SIRT4: variants seen among roughly 807,000 people sequenced by gnomAD.
SIRT4 encodes the protein NAD-dependent protein lipoamidase sirtuin-4, mitochondrial.
In SIRT4, 23 loss-of-function variants were observed where a neutral mutation model predicts 26.1. That is an observed-to-expected ratio of 0.88 (90% CI 0.63 to 1.25). The LOEUF (loss-of-function observed/expected upper bound fraction) is 1.25. Among genes scored for constraint, SIRT4 ranks in the 50% most tolerant of loss-of-function variants. SIRT4 has a pLI of 0.00. For missense variants in SIRT4, 361 were observed against 405.4 expected (o/e 0.89, Z 0.94); for synonymous variants, 155 against 158.4 (o/e 0.98, Z 0.16).
At chr12:120,295,066 A>C in the SIRT4 span, among the ~76,000 whole-genome samples, 1 of 151,774 alleles carries the variant, frequency 6.6e-6, no homozygotes, top group Non-Finnish European at 1.5e-5. Flanking sequence ...CCTGACCTCA[A>C]GTGATCCTCC....
chr12:120,307,819 T>G (rs1390220618), intron 2 of SIRT4, among the ~76,000 whole-genome samples: 1 of 152,042 alleles, frequency 6.6e-6, no homozygotes, highest in Admixed American at 6.6e-5. Context: ...AATCGCACCA[T>G]TGCACTCCAG....
At chr12:120,296,822 C>G in the SIRT4 span, among the ~76,000 whole-genome samples, 1 of 151,624 alleles carries the variant, frequency 6.6e-6, no homozygotes, top group Admixed American at 6.6e-5. Flanking sequence ...TTATTTAATT[C>G]ACAGCCTGGA....
upstream of SIRT4, among the ~76,000 whole-genome samples, chr12:120,298,854 C>G (rs1872432205): frequency 6.6e-6 from 1 of 150,594 alleles, no homozygotes; most frequent in African/African-American, 2.4e-5. Context: ...TTGCAGTGAT[C>G]TGAGATCGTG....
the SIRT4 span, chr12:120,291,847 C>G: frequency 1.3e-5 from 2 of 152,106 alleles, no homozygotes; most frequent in South Asian, 2.1e-4. Context: ...TTTCAATTAG[C>G]AATAATCGCG....
At chr12:120,304,600 T>C (rs528326588) in intron 2 of SIRT4, among the ~76,000 whole-genome samples, 2 of 150,416 alleles carry the variant, frequency 1.3e-5, no homozygotes, top group East Asian at 4.0e-4. Flanking sequence ...TGAGCCGAGA[T>C]TGCACCACTA....
chr12:120,296,506 T>G, the SIRT4 span, among the ~76,000 whole-genome samples: 3 of 125,764 alleles, frequency 2.4e-5, no homozygotes, highest in East Asian at 7.7e-4. Flanking sequence ...TGTTTTGTGT[T>G]TTTTTTTTTG....
Position 120,303,908 on chromosome 12 carries a change from TCTCCTCCCACCAGCCTAACC to T in SIRT4, c.350_369del (p.Ser117CysfsTer72), listed in dbSNP as rs768961942. On this transcript the variant is annotated frameshift_variant, in exon 2 of 4. Transcript: ENST00000202967. LOFTEE classifies it high-confidence loss of function. ...AGAAACTTCGTAGGCTGGCCTCAAT[TCTCCTCCCACCAGCCTAACC>T]CTGCACACTGGGCTTTGAGCACCTG... 5.0e-6 allele frequency: 8 copies of T among 1,613,916 alleles called. No homozygotes were observed. The East Asian group carries it at 1.6e-4, about 31-fold the overall frequency.
the SIRT4 span, among the ~76,000 whole-genome samples, chr12:120,294,807 C>G: frequency 6.6e-6 from 1 of 151,528 alleles, no homozygotes; most frequent in Non-Finnish European, 1.5e-5. Flanking sequence ...CATGAGCTGC[C>G]GCCCGGACCA....
the SIRT4 span, among the ~76,000 whole-genome samples, chr12:120,292,661 G>A: frequency 2.0e-5 from 3 of 151,396 alleles, no homozygotes; most frequent in East Asian, 5.8e-4. Context: ...AGTCAACACC[G>A]CCCTGCATTT....
the SIRT4 span, among the ~76,000 whole-genome samples, chr12:120,296,647 A>G: frequency 4.0e-5 from 6 of 151,380 alleles, no homozygotes; most frequent in Admixed American, 2.0e-4. Context: ...AGCTGGGACT[A>G]CAGGCACACA....
chr12:120,296,418 C>T, the SIRT4 span, among the ~76,000 whole-genome samples: 3 of 150,822 alleles, frequency 2.0e-5, no homozygotes, highest in Non-Finnish European at 2.9e-5. Context: ...GGGGTTTCAC[C>T]GTGTTAGCCA....
intron 2 of SIRT4, among the ~76,000 whole-genome samples, chr12:120,310,821 C>T (rs1201863269): frequency 1.3e-5 from 2 of 151,164 alleles, no homozygotes; most frequent in Non-Finnish European, 3.0e-5. Flanking sequence ...CTGCAAGCTC[C>T]GCCTCCCGGG....
At chr12:120,301,258 T>C (rs1592894087), upstream of SIRT4, among the ~76,000 whole-genome samples, 1 of 152,176 alleles carries the variant, frequency 6.6e-6, no homozygotes, top group Non-Finnish European at 1.5e-5. Flanking sequence ...GGCAGGAGAA[T>C]TGCTTGAACC....
the SIRT4 span, chr12:120,293,020 A>ACCAAC: frequency 6.6e-6 from 1 of 150,578 alleles, no homozygotes; most frequent in South Asian, 2.1e-4. Flanking sequence ...GCGAACAAGT[A>ACCAAC]CTCTTCAACC....
chr12:120,299,222 A>AAAATAAATAAAT (rs34606459), upstream of SIRT4, among the ~76,000 whole-genome samples: 14 of 143,590 alleles, frequency 9.7e-5, no homozygotes, highest in African/African-American at 2.3e-4. Context: ...CTCCGTCTCA[A>AAAATAAATAAAT]AAATAAATAA....
upstream of SIRT4, among the ~76,000 whole-genome samples, chr12:120,299,725 A>G (rs1365319014): frequency 6.6e-6 from 1 of 152,076 alleles, no homozygotes; most frequent in African/African-American, 2.4e-5. Flanking sequence ...ACTTGCTTCA[A>G]AGTTACATTA....
At chr12:120,292,551 G>C in the SIRT4 span, among the ~76,000 whole-genome samples, 1 of 152,218 alleles carries the variant, frequency 6.6e-6, no homozygotes, top group Non-Finnish European at 1.5e-5. Context: ...GCAGCGAGCC[G>C]AGATCGCGCC....
chr12:120,299,625 T>C (rs951336009), upstream of SIRT4, among the ~76,000 whole-genome samples: 1 of 151,946 alleles, frequency 6.6e-6, no homozygotes, highest in African/African-American at 2.4e-5. Context: ...GGCTATAGTG[T>C]GGGAGCAGTT....
chr12:120,300,566 C>T (rs575621231), upstream of SIRT4, among the ~76,000 whole-genome samples: 13 of 152,222 alleles, frequency 8.5e-5, no homozygotes, highest in African/African-American at 2.9e-4. Flanking sequence ...CCCACCTGAG[C>T]CTCTTGAGTA....
Sources: allele counts gnomAD v4.1 joint callset (sites outside exome capture counted in the v4.1 genomes callset), GRCh38; gene constraint gnomAD v4.1.1; transcripts MANE v1.5; gene names NCBI Gene and HGNC (gene_info 2026-07-23, HGNC 2026-07-21).